Variants in ANK1 observed in about 807,000 individuals in gnomAD.
The protein encoded by ANK1 is ankyrin-1.
Under a neutral mutation model 210.4 loss-of-function variants are expected in ANK1, and 51 were observed. The ratio of observed to expected loss-of-function variants is 0.24; its 90% confidence interval spans 0.19 to 0.31. The LOEUF is 0.31. ANK1 is among the 10% of genes least tolerant of loss of function. ANK1 has a pLI of 1.00. For synonymous variants in ANK1, 967 were observed against 1,025.9 expected (o/e 0.94, Z 1.10); for missense variants, 2,051 against 2,504.4 (o/e 0.82, Z 3.86).
At chr8:41,787,323 T>C (rs1466094669) in intron 1 of ANK1, among the ~76,000 whole-genome samples, 1 of 152,218 alleles carries the variant, frequency 6.6e-6, no homozygotes, top group African/African-American at 2.4e-5. Flanking sequence ...CATTTGGTAA[T>C]GAAAAGCCTC....
chr8:41,671,950 C>A (rs1348690606), intron 38 of ANK1, among the ~76,000 whole-genome samples: 2 of 149,258 alleles, frequency 1.3e-5, no homozygotes, highest in Non-Finnish European at 3.0e-5. Context: ...CCTAAGTGAG[C>A]CCTCCCAGTG....
chr8:41,672,339 C>A lies in ANK1; in HGVS notation c.5096+15G>T, dbSNP rs773628680. ...AAGACAAAAAGGGACCCTGCTCCCA[C>A]AGTCAAGCTCTTACCTGTCCTGACT... On this transcript the variant is annotated intron_variant, in intron 38 of 42. Coordinates refer to ENST00000289734, the MANE Select transcript of ANK1 (RefSeq NM_000037.4). The A allele has an allele frequency of 1.2e-6, 2 of 1,613,526 alleles. No individual in the cohort carries two copies. The highest frequency in any genetic ancestry group is 2.2e-5 in the South Asian group (2 of 91,068).
chr8:41,878,621 A>C (rs1173077784), intron 1 of ANK1, among the ~76,000 whole-genome samples: 3 of 152,250 alleles, frequency 2.0e-5, no homozygotes, highest in Non-Finnish European at 4.4e-5. Context: ...GGACAAAATG[A>C]AAATGTGGAA....
At chr8:41,864,186 C>G (rs1420118782) in intron 1 of ANK1, among the ~76,000 whole-genome samples, 2 of 144,122 alleles carry the variant, frequency 1.4e-5, no homozygotes, top group Non-Finnish European at 3.0e-5. Context: ...GGAGGTGGAG[C>G]TTGTAGTGAG....
intron 1 of ANK1, among the ~76,000 whole-genome samples, chr8:41,790,765 A>G (rs1847500681): frequency 6.6e-6 from 1 of 152,226 alleles, no homozygotes; most frequent in African/African-American, 2.4e-5. Flanking sequence ...GCGGAACTTT[A>G]GACTTTCTGG....
chr8:41,759,628 C>T (rs912073195), intron 1 of ANK1, among the ~76,000 whole-genome samples: 6 of 152,064 alleles, frequency 3.9e-5, no homozygotes, highest in Admixed American at 6.6e-5. Context: ...GTATATATGA[C>T]GATGTGGGTA....
Position 41,715,767 on chromosome 8 carries a change from G to C in ANK1, c.1487C>G (p.Pro496Arg), listed in dbSNP as rs1426296306. The C allele has an allele frequency of 2.5e-6, 4 of 1,614,092 alleles. No individual in the cohort carries two copies. In the African/African-American group the frequency reaches 5.3e-5, roughly 22 times the overall value. ...VKLLLENNAN[P>R]NLATTAGHTP... ...GTGCCCGGCGGTGGTGGCCAGGTTG[G>C]GGTTGGCGTTATTTTCCAGCAGGAG... The change falls in exon 14 of 43, where the codon CCC (proline) becomes CGC (arginine). Residue 496 changes from proline to arginine, a missense_variant. Pro to Arg is a moderately radical substitution (Grantham distance 103). This residue lies in a region of ANK1 where 1,413 missense variants were observed against 1,707.4 expected (regional missense o/e 0.83). Coordinates refer to ENST00000289734, the MANE Select transcript of ANK1 (RefSeq NM_000037.4).
chr8:41,821,912 T>C (rs1804323338), intron 1 of ANK1, among the ~76,000 whole-genome samples: 2 of 151,952 alleles, frequency 1.3e-5, no homozygotes, highest in African/African-American at 4.8e-5. Context: ...TAGCCAGGCA[T>C]GGTGGCGCAC....
intron 1 of ANK1, among the ~76,000 whole-genome samples, chr8:41,894,721 C>G (rs1272768378): frequency 6.6e-6 from 1 of 152,168 alleles, no homozygotes; most frequent in Non-Finnish European, 1.5e-5. Context: ...CAGAGCACTC[C>G]TTCCCGAGAA....
intron 24 of ANK1, chr8:41,697,823 G>A: frequency 1.6e-6 from 1 of 633,444 alleles, no homozygotes; most frequent in East Asian, 2.9e-5. Context: ...GCCACCACAG[G>A]AAAGGGCCCC....
At chr8:41,818,020 G>A (rs1472481398) in intron 1 of ANK1, among the ~76,000 whole-genome samples, 1 of 152,206 alleles carries the variant, frequency 6.6e-6, no homozygotes, top group East Asian at 1.9e-4. Context: ...CTTTTGGATG[G>A]CCACCTGCAC....
At position 41,835,640 on chromosome 8, in the gene ANK1, G is replaced by A. The variant is rs538320508; in HGVS notation, c.126+60715C>T. 4.6e-3 allele frequency among the ~76,000 whole-genome samples: 708 copies of A among 152,326 alleles called. 3 individuals are homozygous for A. The highest frequency in any genetic ancestry group is 0.016 in the African/African-American group (660 of 41,586). On this transcript the variant is annotated intron_variant, in intron 1 of 42. Coordinates refer to the ANK1 transcript ENST00000265709. ...GCTGCCAGCAGAGCCCACACTGGCC[G>A]CAGGGCTGCTTCTGTGCAGCCTGCA...
chr8:41,894,386 C>G (rs982387835), intron 1 of ANK1, among the ~76,000 whole-genome samples: 1 of 148,006 alleles, frequency 6.8e-6, no homozygotes, highest in Non-Finnish European at 1.5e-5. Flanking sequence ...CATCTACCAC[C>G]AAAAGAAAAA....
chr8:41,761,371 GCA>G (rs58257785), intron 1 of ANK1, among the ~76,000 whole-genome samples: 15,969 of 150,692 alleles, frequency 0.11, 941 homozygotes, highest in South Asian at 0.15. Flanking sequence ...AGACCTGTGT[GCA>G]CACACACACA....
intron 42 of ANK1, among the ~76,000 whole-genome samples, chr8:41,657,489 T>C (rs1806157435): frequency 6.6e-6 from 1 of 152,240 alleles, no homozygotes; most frequent in Non-Finnish European, 1.5e-5. Flanking sequence ...CCATCTGTGC[T>C]TTTTGATGTC....
At chr8:41,777,011 C>A (rs1341659164) in intron 1 of ANK1, among the ~76,000 whole-genome samples, 1 of 152,246 alleles carries the variant, frequency 6.6e-6, no homozygotes, top group Non-Finnish European at 1.5e-5. Flanking sequence ...GTTTAATCCT[C>A]TTATGAATTC....
intron 1 of ANK1, among the ~76,000 whole-genome samples, chr8:41,790,340 T>A (rs1354609782): frequency 2.0e-5 from 3 of 151,964 alleles, no homozygotes; most frequent in African/African-American, 4.8e-5. Context: ...AAAGACGTGG[T>A]TTCACCATGT....
At chr8:41,723,792 ATTTTTTTT>A (rs1201907717) in intron 7 of ANK1, among the ~76,000 whole-genome samples, 159 bp from the exon 8 acceptor site, 1 of 140,094 alleles carries the variant, frequency 7.1e-6, no homozygotes, top group Non-Finnish European at 1.6e-5. Flanking sequence ...TTTATTTTTT[ATTTTTTTT>A]TTTTTTTGAG....
chr8:41,699,573 G>A, intron 22 of ANK1, 25 bp from the exon 23 acceptor site: 1 of 1,605,564 alleles, frequency 6.2e-7, no homozygotes, highest in South Asian at 1.1e-5. Context: ...GCTCAAGTGA[G>A]CGACGGGGTA....
Sources: gnomAD v4.1 joint callset for allele counts (sites outside exome capture counted in the v4.1 genomes callset) on GRCh38, gnomAD v4.1.1 for gene constraint, gnomAD v4.1.1 regional missense constraint, MANE v1.5 for transcripts, NCBI Gene and HGNC (gene_info 2026-07-23, HGNC 2026-07-21) for gene names.